KCNC2: variants seen among roughly 807,000 people sequenced by gnomAD.
KCNC2 encodes voltage-gated potassium channel KCNC2.
Under a neutral mutation model 44.5 loss-of-function variants are expected in KCNC2, and 21 were observed. That is an observed-to-expected ratio of 0.47 (90% CI 0.33 to 0.68). The LOEUF (loss-of-function observed/expected upper bound fraction) is 0.68. Ranked by LOEUF, KCNC2 falls within the 30% of genes least tolerant of loss-of-function variation. KCNC2 has a pLI of 0.01. For missense variants in KCNC2, 589 were observed against 826.2 expected (o/e 0.71, Z 3.52); for synonymous variants, 391 against 339.1 (o/e 1.15, Z -1.68).
At chr12:75,079,269 A>C (rs1177136648) in intron 2 of KCNC2, among the ~76,000 whole-genome samples, 59 of 152,082 alleles carry the variant, frequency 3.9e-4, no homozygotes, top group Admixed American at 3.9e-3. Flanking sequence ...TTTCATAAGA[A>C]CACATCCCCA....
At chr12:75,194,935 A>G (rs775266318) in intron 2 of KCNC2, among the ~76,000 whole-genome samples, 175 of 152,212 alleles carry the variant, frequency 1.1e-3, no homozygotes, top group Middle Eastern at 3.4e-3. Flanking sequence ...ACCTGCTTTC[A>G]TTTTTATTTT....
At chr12:75,046,416 G>T (rs1880520700) in intron 4 of KCNC2, among the ~76,000 whole-genome samples, 4 of 151,590 alleles carry the variant, frequency 2.6e-5, no homozygotes, top group Admixed American at 2.6e-4. Flanking sequence ...TCAAAACATT[G>T]TCTAACATAG....
chr12:75,182,680 G>A (rs940436135), intron 2 of KCNC2, among the ~76,000 whole-genome samples: 2 of 151,978 alleles, frequency 1.3e-5, no homozygotes, highest in African/African-American at 4.8e-5. Flanking sequence ...AGGCAATATG[G>A]CATCCTGAAC....
intron 2 of KCNC2, among the ~76,000 whole-genome samples, chr12:75,158,430 G>A (rs2137509235): frequency 6.6e-6 from 1 of 151,832 alleles, no homozygotes; most frequent in South Asian, 2.1e-4. Flanking sequence ...AGAGAAAAAA[G>A]AAAACAGCTG....
At chr12:75,193,288 T>G (rs1191044095) in intron 2 of KCNC2, among the ~76,000 whole-genome samples, 1 of 152,120 alleles carries the variant, frequency 6.6e-6, no homozygotes, top group Non-Finnish European at 1.5e-5. Flanking sequence ...TACTGAGATA[T>G]AAAGCAAATA....
chr12:75,153,499 G>A (rs73187110), intron 2 of KCNC2, among the ~76,000 whole-genome samples: 4 of 151,774 alleles, frequency 2.6e-5, no homozygotes, highest in Non-Finnish European at 5.9e-5. Flanking sequence ...TGAAAGATAA[G>A]GATTTGCTTA....
chr12:75,050,520 C>T lies in KCNC2; in HGVS notation c.1485G>A (p.Lys495=), dbSNP rs1221982144. ...TTGCCTGAGGAGCAGGAGGGATGTG[C>T]TTCTTTCTTTTCCTTGGAAGTTTCT... is the stretch of plus-strand genomic sequence containing the variant. ...AKQKLPRKRK[K]HIPPAPQASS... Residue 495 remains lysine (K), a synonymous_variant, in exon 3 of 5, where the codon AAG becomes AAA. Coordinates refer to ENST00000549446, the MANE Select transcript of KCNC2 (RefSeq NM_139137.4). The T allele has an allele frequency of 3.7e-6, 6 of 1,613,612 alleles. No individual in the cohort carries two copies. Among genetic ancestry groups the T allele is most frequent in the Non-Finnish European group, 4.2e-6 (5 of 1,179,804 alleles).
chr12:75,066,104 GA>G lies in KCNC2; in HGVS notation c.688-14788del, dbSNP rs375771443. On this transcript the variant is annotated intron_variant, in intron 2 of 4. Coordinates refer to ENST00000549446, the MANE Select transcript of KCNC2 (RefSeq NM_139137.4). ...ATAATTCAAGAACACCTAAATTTAT[GA>G]TAGCAATATTTTTCACCGTCTTCTT... Among the ~76,000 whole-genome samples the G allele has an allele frequency of 4.6e-3, 694 of 152,144 alleles. 7 individuals are homozygous for G. Among genetic ancestry groups the G allele is most frequent in the African/African-American group, 0.016 (652 of 41,544 alleles).
rs1879982002 is a variant in KCNC2, at chr12:75,042,196, A to C, written c.*909T>G. ...CACTCTGCCTCTGAAAATGATGACA[A>C]ACCCTGGGTATTTTTTTTTTTTAAA... On this transcript the variant is annotated 3_prime_UTR_variant, in exon 5 of 5. Transcript: ENST00000549446. 7.5e-7 allele frequency: 1 copy of C among 1,336,542 alleles called. No homozygotes were observed. The highest frequency in any genetic ancestry group is 9.7e-7 in the Non-Finnish European group (1 of 1,035,134). The allele number at this position is 1,336,542 out of a possible 1,614,324, so 82.8% of individuals were successfully genotyped here.
intron 2 of KCNC2, among the ~76,000 whole-genome samples, chr12:75,054,615 G>T (rs905445736): frequency 2.6e-5 from 4 of 152,134 alleles, no homozygotes; most frequent in South Asian, 4.1e-4. Context: ...AGGAATGAAG[G>T]TATTGGGCCA....
At chr12:75,086,311 T>G (rs79668263) in intron 2 of KCNC2, among the ~76,000 whole-genome samples, 5,912 of 152,138 alleles carry the variant, frequency 0.039, 355 homozygotes, top group African/African-American at 0.13. Context: ...AAATGGTTCC[T>G]GGCTGTTGAG....
At chr12:75,077,663 T>A (rs1884117902) in intron 2 of KCNC2, among the ~76,000 whole-genome samples, 1 of 152,194 alleles carries the variant, frequency 6.6e-6, no homozygotes, top group Non-Finnish European at 1.5e-5. Context: ...ATAAACTTGA[T>A]GACCATAAGA....
intron 2 of KCNC2, among the ~76,000 whole-genome samples, chr12:75,069,133 T>TTTTTTTTTC (rs1883135457): frequency 8.9e-6 from 1 of 112,944 alleles, no homozygotes; most frequent in Non-Finnish European, 1.9e-5. Context: ...TATAATCTTT[T>TTTTTTTTTC]TTTTTTTTTT....
At chr12:75,148,509 T>C (rs973930719) in intron 2 of KCNC2, among the ~76,000 whole-genome samples, 1 of 152,102 alleles carries the variant, frequency 6.6e-6, no homozygotes, top group African/African-American at 2.4e-5. Context: ...TGTCTTCCTA[T>C]TTATTTTCTT....
intron 2 of KCNC2, among the ~76,000 whole-genome samples, chr12:75,124,458 G>T (rs898183407): frequency 3.9e-5 from 6 of 152,134 alleles, no homozygotes; most frequent in Admixed American, 1.3e-4. Context: ...AAGAGTCTGA[G>T]ATTATTTAAG....
intron 2 of KCNC2, among the ~76,000 whole-genome samples, chr12:75,074,962 T>C (rs1883782738): frequency 6.6e-6 from 1 of 152,090 alleles, no homozygotes; most frequent in Non-Finnish European, 1.5e-5. Context: ...AGTACGAAAG[T>C]TTTCCCGGAA....
At chr12:75,191,793 C>T (rs2926151) in intron 2 of KCNC2, among the ~76,000 whole-genome samples, 10,015 of 151,674 alleles carry the variant, frequency 0.066, 1,095 homozygotes, top group African/African-American at 0.23. Flanking sequence ...TCATGATCCA[C>T]CCGCCTCGGC....
At chr12:75,087,942 A>G (rs1158710173) in intron 2 of KCNC2, among the ~76,000 whole-genome samples, 2 of 152,016 alleles carry the variant, frequency 1.3e-5, no homozygotes, top group East Asian at 3.9e-4. Flanking sequence ...TCAAGCTCTT[A>G]ACTGCCCCCA....
intron 2 of KCNC2, among the ~76,000 whole-genome samples, chr12:75,117,514 G>A (rs560801242): frequency 5.3e-5 from 8 of 152,232 alleles, no homozygotes; most frequent in Middle Eastern, 3.4e-3. Context: ...CCACATCCCA[G>A]TCACTTCGCT....
Sources: gnomAD v4.1 joint callset for allele counts (sites outside exome capture counted in the v4.1 genomes callset) on GRCh38, gnomAD v4.1.1 for gene constraint, MANE v1.5 for transcripts, NCBI Gene and HGNC (gene_info 2026-07-23, HGNC 2026-07-21) for gene names.